Variants in INPP4B observed in about 807,000 individuals in gnomAD.
INPP4B encodes inositol polyphosphate-4-phosphatase type II B.
INPP4B carries 55 observed loss-of-function variants against 122.5 expected under a neutral mutation model. The observed-to-expected ratio is 0.45, with a 90% CI of 0.36 to 0.56. The LOEUF is 0.56. Ranked by LOEUF, INPP4B falls within the 20% of genes least tolerant of loss-of-function variation. INPP4B has a pLI of 0.00. For missense variants in INPP4B, 1,000 were observed against 1,097.7 expected, an observed-to-expected ratio of 0.91 and a Z score of 1.26; for synonymous variants, 403 against 388.7, an observed-to-expected ratio of 1.04 and a Z score of -0.43.
Position 142,347,801 on chromosome 4 carries a change from G to A in INPP4B, c.373-33039C>T, listed in dbSNP as rs547953220. Among the ~76,000 whole-genome samples, 4 of 152,042 alleles carry A rather than the reference G, an allele frequency of 2.6e-5. No individual in the cohort carries two copies. The South Asian group carries it at 6.2e-4, about 24-fold the overall frequency. On this transcript the variant is annotated intron_variant, in intron 7 of 25. Coordinates refer to ENST00000262992, the MANE Select transcript of INPP4B (RefSeq NM_001101669.3). The stretch of plus-strand genomic sequence containing the variant: ...TCTGAATTTAGGTGCATCTATAGCA[G>A]CAGAGGTGGTTCAGAGAAGGGAGAC...
chr4:142,632,322 G>C (rs565839922), intron 2 of INPP4B, among the ~76,000 whole-genome samples: 51 of 152,218 alleles, frequency 3.4e-4, no homozygotes, highest in African/African-American at 1.1e-3. Context: ...TATGCTAAGT[G>C]AAACAAGCCA....
At chr4:142,355,122 T>C (rs1397606318) in intron 7 of INPP4B, among the ~76,000 whole-genome samples, 1 of 152,002 alleles carries the variant, frequency 6.6e-6, no homozygotes, top group South Asian at 2.1e-4. Flanking sequence ...TCTGGAAGTA[T>C]TCCAAGAAGG....
chr4:142,486,794 A>G (rs1821253056), intron 2 of INPP4B, among the ~76,000 whole-genome samples: 1 of 152,170 alleles, frequency 6.6e-6, no homozygotes, highest in Non-Finnish European at 1.5e-5. Context: ...GCTGGTGTTC[A>G]TTTTGTTGCA....
chr4:142,786,697 G>A (rs1243612281), intron 1 of INPP4B, among the ~76,000 whole-genome samples: 2 of 152,050 alleles, frequency 1.3e-5, no homozygotes, highest in Non-Finnish European at 2.9e-5. Flanking sequence ...CCCTCAATAT[G>A]GTATGATAAA....
At chr4:142,032,105 A>G (rs1740594865) in intron 25 of INPP4B, among the ~76,000 whole-genome samples, 1 of 152,210 alleles carries the variant, frequency 6.6e-6, no homozygotes, top group African/African-American at 2.4e-5. Context: ...AAAGGGAAAG[A>G]AAGATGTGGA....
chr4:142,703,229 T>C (rs1415644821), intron 2 of INPP4B, among the ~76,000 whole-genome samples: 1 of 152,214 alleles, frequency 6.6e-6, no homozygotes, highest in Non-Finnish European at 1.5e-5. Context: ...ACTTGTTGTA[T>C]TGGCCCTTCC....
At chr4:142,219,440 C>T (rs181665211) in intron 12 of INPP4B, among the ~76,000 whole-genome samples, 1 of 152,198 alleles carries the variant, frequency 6.6e-6, no homozygotes, top group African/African-American at 2.4e-5. Context: ...TTACCCTTCA[C>T]AGTTTGCTTT....
chr4:142,443,993 G>A (rs1285792386), intron 3 of INPP4B, among the ~76,000 whole-genome samples: 1 of 152,134 alleles, frequency 6.6e-6, no homozygotes, highest in Admixed American at 6.6e-5. Flanking sequence ...AGAACTAACA[G>A]AAAGGGAATA....
At chr4:142,461,016 A>C (rs1816628888) in intron 3 of INPP4B, among the ~76,000 whole-genome samples, 2 of 152,000 alleles carry the variant, frequency 1.3e-5, no homozygotes, top group South Asian at 4.2e-4. Context: ...CCATCTCTAC[A>C]AAAAATTAGA....
intron 1 of INPP4B, among the ~76,000 whole-genome samples, chr4:142,730,343 G>A (rs1765904436): frequency 6.6e-6 from 1 of 152,176 alleles, no homozygotes; most frequent in African/African-American, 2.4e-5. Context: ...GGGGGAAACA[G>A]CTAAAAATTA....
intron 2 of INPP4B, among the ~76,000 whole-genome samples, chr4:142,496,297 C>T (rs551396001): frequency 6.6e-6 from 1 of 152,040 alleles, no homozygotes; most frequent in South Asian, 2.1e-4. Context: ...TATGATTACA[C>T]CAAAATTTAT....
intron 2 of INPP4B, among the ~76,000 whole-genome samples, chr4:142,519,223 G>T (rs1437739539): frequency 6.6e-6 from 1 of 152,040 alleles, no homozygotes; most frequent in Non-Finnish European, 1.5e-5. Context: ...AAAACTCTAA[G>T]TTATTTGTGT....
At chr4:142,054,052 G>C (rs1473453635) in intron 25 of INPP4B, among the ~76,000 whole-genome samples, 2 of 134,364 alleles carry the variant, frequency 1.5e-5, no homozygotes, top group Non-Finnish European at 3.3e-5. Context: ...TCACCTTCAT[G>C]TATTGTCTTT....
chr4:142,821,024 T>C (rs1252098268), intron 1 of INPP4B, among the ~76,000 whole-genome samples: 3 of 152,176 alleles, frequency 2.0e-5, no homozygotes, highest in Non-Finnish European at 4.4e-5. Context: ...ATACTGGTTA[T>C]AGTCAGTTAA....
At chr4:142,323,469 G>A (rs1259453289) in intron 7 of INPP4B, among the ~76,000 whole-genome samples, 6 of 132,578 alleles carry the variant, frequency 4.5e-5, no homozygotes, top group South Asian at 2.4e-4. Flanking sequence ...TTTTTGAGAC[G>A]GAGTCTCACT....
chr4:142,537,415 TATATATATATATATAGAGAGAG>T (rs1202231306), intron 2 of INPP4B, among the ~76,000 whole-genome samples: 2 of 47,328 alleles, frequency 4.2e-5, no homozygotes, highest in African/African-American at 1.4e-4. Context: ...TATATATATA[TATATATATATATATAGAGAGAG>T]AGAGAGAGAG....
rs74945734 is a variant in INPP4B, at chr4:142,332,750, A to T, written c.373-17988T>A. On this transcript the variant is annotated intron_variant, in intron 7 of 25. Coordinates refer to ENST00000262992, the MANE Select transcript of INPP4B (RefSeq NM_001101669.3). ...CCCTGCGCAGTGGCTCACGCCTGTA[A>T]TCCCAGCACTTTGGGAGGCCAAGAA... is the stretch of plus-strand genomic sequence containing the variant. 7.2e-4 allele frequency among the ~76,000 whole-genome samples: 110 copies of T among 151,864 alleles called. 1 individual carries two copies. The highest frequency in any genetic ancestry group is 2.6e-3 in the African/African-American group (108 of 41,412).
At chr4:142,623,190 T>A (rs910247200) in intron 2 of INPP4B, among the ~76,000 whole-genome samples, 1 of 152,010 alleles carries the variant, frequency 6.6e-6, no homozygotes, top group African/African-American at 2.4e-5. Flanking sequence ...GTACAACTTC[T>A]GCATCTTCTC....
intron 2 of INPP4B, among the ~76,000 whole-genome samples, chr4:142,686,290 C>A (rs1218354944): frequency 6.6e-6 from 1 of 152,026 alleles, no homozygotes; most frequent in Non-Finnish European, 1.5e-5. Flanking sequence ...AATTAAGAAC[C>A]CTTATTAGGG....
Sources: allele counts gnomAD v4.1 joint callset (sites outside exome capture counted in the v4.1 genomes callset), GRCh38; gene constraint gnomAD v4.1.1; transcripts MANE v1.5; gene names NCBI Gene and HGNC (gene_info 2026-07-23, HGNC 2026-07-21).